SEC14L1: variants seen among roughly 807,000 people sequenced by gnomAD.
SEC14L1 encodes SEC14 like lipid binding 1.
In SEC14L1, 48 loss-of-function variants were observed where a neutral mutation model predicts 85.3. That is an observed-to-expected ratio of 0.56 (90% CI 0.45 to 0.72). The LOEUF (loss-of-function observed/expected upper bound fraction) is 0.72, where lower values mean the gene tolerates loss of function less well. SEC14L1 is among the 30% of genes least tolerant of loss of function. SEC14L1 has a pLI of 0.00. For missense variants in SEC14L1, 682 were observed against 921.4 expected, an observed-to-expected ratio of 0.74 and a Z score of 3.36; for synonymous variants, 391 against 355.5, an observed-to-expected ratio of 1.10 and a Z score of -1.12.
chr17:77,160,042 C>T (rs907723979), intron 3 of SEC14L1, among the ~76,000 whole-genome samples: 8 of 152,178 alleles, frequency 5.3e-5, no homozygotes, highest in Admixed American at 3.9e-4. Context: ...GCTTCAAGGT[C>T]TATGAAGTAC....
At chr17:77,202,044 G>T (rs1034664622) in intron 9 of SEC14L1, among the ~76,000 whole-genome samples, 2 of 152,118 alleles carry the variant, frequency 1.3e-5, no homozygotes, top group Admixed American at 6.5e-5. Flanking sequence ...GGACTGTGCG[G>T]CAGGAGGCTA....
chr17:77,115,681 GCAAC>G (rs1210974719), intron 3 of SEC14L1, among the ~76,000 whole-genome samples: 1 of 152,090 alleles, frequency 6.6e-6, no homozygotes, highest in African/African-American at 2.4e-5. Flanking sequence ...GTGAGTTGTT[GCAAC>G]CAAAGGAGCA....
rs561038872 is a variant in SEC14L1 at position 77,202,849 on chromosome 17, G to T, written c.1010-721G>T. Among the ~76,000 whole-genome samples the T allele has an allele frequency of 3.8e-3, 575 of 151,936 alleles. 1 individual carries two copies. Among genetic ancestry groups the T allele is most frequent in the African/African-American group, 0.013 (540 of 41,386 alleles). On this transcript the variant is annotated intron_variant, in intron 9 of 16. Coordinates refer to ENST00000436233, the MANE Select transcript of SEC14L1 (RefSeq NM_001143998.2). ...GCAGGAGAATTGCTTGAACCTGCAG[G>T]CAGAGGTTGCAGTGAGCTGAGATCG...
intron 3 of SEC14L1, among the ~76,000 whole-genome samples, chr17:77,175,970 T>C (rs1974732556): frequency 6.6e-6 from 1 of 152,098 alleles, no homozygotes; most frequent in Non-Finnish European, 1.5e-5. Context: ...AAGACACCAC[T>C]CAAAGGTGGG....
intron 3 of SEC14L1, among the ~76,000 whole-genome samples, chr17:77,177,118 T>A (rs1974791159): frequency 6.6e-6 from 1 of 151,998 alleles, no homozygotes; most frequent in Admixed American, 6.6e-5. Flanking sequence ...AAATCATCAA[T>A]TTTTTTGGTC....
chr17:77,161,300 A>C (rs1189559183), intron 3 of SEC14L1, among the ~76,000 whole-genome samples: 1 of 152,250 alleles, frequency 6.6e-6, no homozygotes, highest in East Asian at 1.9e-4. Flanking sequence ...CAGTCTGGCC[A>C]ACATGGTGAA....
At chr17:77,117,083 C>T (rs1026619803) in intron 3 of SEC14L1, among the ~76,000 whole-genome samples, 2 of 152,242 alleles carry the variant, frequency 1.3e-5, no homozygotes, top group Non-Finnish European at 2.9e-5. Flanking sequence ...CGCAGTGGCT[C>T]ATGCCTGTAA....
Position 77,100,765 on chromosome 17 carries a change from T to G in SEC14L1, c.-136+7418T>G, listed in dbSNP as rs557315828. Among the ~76,000 whole-genome samples, 4 of 152,208 alleles carry G rather than the reference T, an allele frequency of 2.6e-5. No homozygotes were observed. The East Asian group carries it at 7.7e-4, about 29-fold the overall frequency. Reference sequence around the variant, plus strand: ...GCTTTCTCTGAACCTGCTGCTAAATTCTTCCCACACTTCCTGGTGGCCTCT... The same window carrying G: ...GCTTTCTCTGAACCTGCTGCTAAATGCTTCCCACACTTCCTGGTGGCCTCT... On this transcript the variant is annotated intron_variant, in intron 3 of 19. Transcript: ENST00000392476.
At chr17:77,146,079 C>G (rs1259675578) in intron 3 of SEC14L1, among the ~76,000 whole-genome samples, 1 of 152,172 alleles carries the variant, frequency 6.6e-6, no homozygotes, top group African/African-American at 2.4e-5. Context: ...CACCCCGACC[C>G]CTGCCCTGGT....
chr17:77,194,975 T>C (rs1295685194), intron 7 of SEC14L1, 64 bp downstream of exon 7: 1 of 1,169,510 alleles, frequency 8.6e-7, no homozygotes, highest in East Asian at 2.4e-5. Context: ...CCGTTTTCTC[T>C]CTGTTTGCTC....
chr17:77,155,177 G>A (rs1210809193), intron 3 of SEC14L1, among the ~76,000 whole-genome samples: 3 of 152,016 alleles, frequency 2.0e-5, no homozygotes, highest in African/African-American at 7.3e-5. Flanking sequence ...CACCCGAGAT[G>A]CCCCCCAGGA....
intron 3 of SEC14L1, among the ~76,000 whole-genome samples, chr17:77,174,986 A>G (rs1271197543): frequency 6.6e-6 from 1 of 152,150 alleles, no homozygotes. Context: ...AACTTTTTTG[A>G]ATAGGATAAA....
rs200380974 is a variant in SEC14L1, at chr17:77,212,016, A to G, written c.1678A>G (p.Ile560Val). 69 of 1,614,102 alleles carry G rather than the reference A, an allele frequency of 4.3e-5. No homozygotes were observed. Among genetic ancestry groups the G allele is most frequent in the East Asian group, 1.1e-4 (5 of 44,874 alleles). ...GGATTTCGACGTGTGCAAAGGGGAC[A>G]TTGTGTTTAACATCTATCACTCCAA... ...TWDFDVCKGDIVFNIYHSKRS... is the reference protein window; with the variant it reads ...TWDFDVCKGDVVFNIYHSKRS... Residue 560 changes from isoleucine to valine, a missense_variant, in exon 15 of 17, where the codon ATT (isoleucine) becomes GTT (valine). Ile to Val is a conservative substitution (Grantham distance 29). Coordinates refer to ENST00000436233, the MANE Select transcript of SEC14L1 (RefSeq NM_001143998.2).
At chr17:77,125,916 C>G in intron 3 of SEC14L1, among the ~76,000 whole-genome samples, 1 of 152,202 alleles carries the variant, frequency 6.6e-6, no homozygotes. Flanking sequence ...CTTTGGGAGG[C>G]CCAGGCAGGC....
At chr17:77,173,600 T>C (rs1974621307) in intron 3 of SEC14L1, among the ~76,000 whole-genome samples, 2 of 152,204 alleles carry the variant, frequency 1.3e-5, no homozygotes, top group African/African-American at 4.8e-5. Flanking sequence ...ACTCTTGTTA[T>C]TCACATACTC....
rs553348353 is a variant in SEC14L1, at chr17:77,150,794, T to A, written c.63+7135T>A. On this transcript the variant is annotated intron_variant, in intron 3 of 16. Transcript: ENST00000436233. Reference sequence around the variant, plus strand: ...GGCAGCTAGCTGCGTTCAGAAACCATCCATCCGCCCACCCGTACCTTGCCT... The same window carrying A: ...GGCAGCTAGCTGCGTTCAGAAACCAACCATCCGCCCACCCGTACCTTGCCT... 3.0e-3 allele frequency among the ~76,000 whole-genome samples: 450 copies of A among 152,304 alleles called. 3 individuals are homozygous for A. Among genetic ancestry groups the A allele is most frequent in the Non-Finnish European group, 5.4e-3 (367 of 68,018 alleles).
chr17:77,204,035 C>G (rs535358567), intron 10 of SEC14L1, among the ~76,000 whole-genome samples: 1 of 152,264 alleles, frequency 6.6e-6, no homozygotes, highest in Admixed American at 6.5e-5. Context: ...CCAGACCCTC[C>G]TGAATGCCTG....
chr17:77,097,914 G>A (rs897037729), intron 3 of SEC14L1, among the ~76,000 whole-genome samples: 5 of 152,150 alleles, frequency 3.3e-5, no homozygotes, highest in African/African-American at 1.2e-4. Flanking sequence ...GCACGGGATG[G>A]GGTTTGCAAT....
At position 77,176,224 on chromosome 17, in the gene SEC14L1, A is replaced by G. The variant is rs553164446; in HGVS notation, c.64-14579A>G. 7.2e-5 allele frequency among the ~76,000 whole-genome samples: 11 copies of G among 152,216 alleles called. No homozygotes were observed. In the South Asian group the frequency reaches 1.9e-3, roughly 26 times the overall value. ...AGAATCACTCAAACCCAGCAGGCAG[A>G]GGTTGCAGCGAGCCGAGATCATGCT... On this transcript the variant is annotated intron_variant, in intron 3 of 16. Coordinates refer to ENST00000436233, the MANE Select transcript of SEC14L1 (RefSeq NM_001143998.2).
Sources: allele counts gnomAD v4.1 joint callset (sites outside exome capture counted in the v4.1 genomes callset), GRCh38; gene constraint gnomAD v4.1.1; transcripts MANE v1.5; gene names NCBI Gene and HGNC (gene_info 2026-07-23, HGNC 2026-07-21).